Variants in TLN2 observed in about 807,000 individuals in gnomAD.
TLN2 encodes talin-2.
A neutral mutation model predicts 294.7 loss-of-function variants in TLN2; 118 were observed. The observed-to-expected ratio is 0.40, with a 90% CI of 0.34 to 0.47. TLN2 has a LOEUF of 0.47. Among genes scored for constraint, TLN2 ranks in the 20% least tolerant of loss-of-function variants. The pLI, the probability that TLN2 is intolerant of heterozygous loss-of-function variation, is 0.84. For synonymous variants in TLN2, 1,431 were observed against 1,304.5 expected, an observed-to-expected ratio of 1.10 and a Z score of -2.09; for missense variants, 3,083 against 3,282.2, an observed-to-expected ratio of 0.94 and a Z score of 1.48.
chr15:62,825,954 A>G (rs2068157047), intron 54 of TLN2, among the ~76,000 whole-genome samples: 1 of 141,764 alleles, frequency 7.1e-6, no homozygotes, highest in Non-Finnish European at 1.5e-5. Flanking sequence ...TGAACTTGGG[A>G]GGCGGAGGTT....
chr15:62,647,482 T>C (rs775700147), intron 4 of TLN2, 36 bp downstream of exon 4: 1 of 1,612,446 alleles, frequency 6.2e-7, no homozygotes, highest in Admixed American at 1.7e-5. Context: ...TCTTAAAACG[T>C]GTTTGCATGT....
chr15:62,479,745 C>T (rs1344174217), intron 1 of TLN2, among the ~76,000 whole-genome samples: 1 of 152,222 alleles, frequency 6.6e-6, no homozygotes, highest in Admixed American at 6.5e-5. Flanking sequence ...CTCAGCCTCC[C>T]AAAGTGCTGG....
chr15:62,806,477 T>C (rs905532411), intron 51 of TLN2, among the ~76,000 whole-genome samples: 2 of 152,176 alleles, frequency 1.3e-5, no homozygotes, highest in Admixed American at 1.3e-4. Flanking sequence ...AGGTCAGCCA[T>C]TGTGCACTAG....
At chr15:62,534,870 T>C (rs1233846968) in intron 1 of TLN2, among the ~76,000 whole-genome samples, 2 of 152,164 alleles carry the variant, frequency 1.3e-5, no homozygotes, top group African/African-American at 4.8e-5. Flanking sequence ...CACAGTACTG[T>C]GAGGCAGTTG....
At chr15:62,640,235 T>C (rs907926432) in intron 3 of TLN2, 1 of 455,992 alleles carries the variant, frequency 2.2e-6, no homozygotes, top group East Asian at 7.0e-5. Context: ...CTTTCTTTGG[T>C]GTTTCTTTGA....
chr15:62,745,784 T>G (rs2061575689), intron 32 of TLN2, among the ~76,000 whole-genome samples: 1 of 152,240 alleles, frequency 6.6e-6, no homozygotes, highest in Non-Finnish European at 1.5e-5. Flanking sequence ...AAATATTGTT[T>G]TTCATTGTCA....
chr15:62,557,732 G>T (rs141871337), intron 1 of TLN2, among the ~76,000 whole-genome samples: 4 of 152,210 alleles, frequency 2.6e-5, no homozygotes, highest in Admixed American at 6.5e-5. Context: ...GTAGAGACGG[G>T]GTTTCACTAT....
At chr15:62,568,350 G>A (rs545345654) in intron 1 of TLN2, among the ~76,000 whole-genome samples, 4 of 152,316 alleles carry the variant, frequency 2.6e-5, no homozygotes, top group South Asian at 2.1e-4. Flanking sequence ...GCAAACCATC[G>A]CATTCTGTCT....
intron 1 of TLN2, among the ~76,000 whole-genome samples, chr15:62,572,671 C>T (rs1186900124): frequency 6.6e-6 from 1 of 152,218 alleles, no homozygotes; most frequent in Admixed American, 6.5e-5. Flanking sequence ...TAAACTGAGT[C>T]CGGATCGATG....
chr15:62,744,758 G>A (rs1325786795), intron 32 of TLN2, among the ~76,000 whole-genome samples: 1 of 152,098 alleles, frequency 6.6e-6, no homozygotes, highest in African/African-American at 2.4e-5. Flanking sequence ...TGTTGGCCAG[G>A]CTGGTCTCAA....
intron 1 of TLN2, among the ~76,000 whole-genome samples, chr15:62,519,574 A>G (rs2040354674): frequency 6.6e-6 from 1 of 152,212 alleles, no homozygotes; most frequent in African/African-American, 2.4e-5. Flanking sequence ...GTGTTCTCTT[A>G]CTTTTACAGG....
intron 1 of TLN2, among the ~76,000 whole-genome samples, chr15:62,493,069 G>C (rs1230849517): frequency 1.3e-5 from 2 of 152,182 alleles, no homozygotes; most frequent in Non-Finnish European, 2.9e-5. Flanking sequence ...GCCTTCTTTG[G>C]GGGTGCTTGG....
At chr15:62,515,055 C>G (rs1346236381) in intron 1 of TLN2, among the ~76,000 whole-genome samples, 1 of 152,184 alleles carries the variant, frequency 6.6e-6, no homozygotes, top group Non-Finnish European at 1.5e-5. Flanking sequence ...GTTTCCTTCT[C>G]TGTCAAATGA....
At chr15:62,512,957 A>C (rs1403502047) in intron 1 of TLN2, among the ~76,000 whole-genome samples, 1 of 152,042 alleles carries the variant, frequency 6.6e-6, no homozygotes, top group Non-Finnish European at 1.5e-5. Flanking sequence ...TCAGTCACAA[A>C]ATTGCTTCAA....
intron 1 of TLN2, among the ~76,000 whole-genome samples, chr15:62,560,631 C>T (rs1002494714): frequency 6.6e-6 from 1 of 152,184 alleles, no homozygotes; most frequent in South Asian, 2.1e-4. Context: ...TGGCCAATAC[C>T]CCATGTTTTG....
rs1300289302 is a variant in TLN2 at position 62,738,293 on chromosome 15, A to G, written c.3647A>G (p.Lys1216Arg). ...CAGAAGGATGTGGACGTGGCCTTGA[A>G]GAGCATCGGGGAGTCCAGCAAGAAG... ...PGQKDVDVAL[K>R]SIGESSKKLL... Residue 1216 changes from lysine to arginine, a missense_variant, in exon 30 of 59, where the codon AAG (lysine) becomes AGG (arginine). Coordinates refer to ENST00000636159, the MANE Select transcript of TLN2 (RefSeq NM_015059.3). 3.7e-6 allele frequency: 6 copies of G among 1,614,186 alleles called. No homozygotes were observed. The highest frequency in any genetic ancestry group is 5.1e-6 in the Non-Finnish European group (6 of 1,180,014).
chr15:62,582,233 CACACACACACA>C (rs1567138747), intron 1 of TLN2, among the ~76,000 whole-genome samples: 11 of 108,530 alleles, frequency 1.0e-4, no homozygotes, highest in Non-Finnish European at 1.6e-4. Context: ...CACACACACA[CACACACACACA>C]CACATTCATG....
At chr15:62,623,580 C>T (rs921667402) in intron 3 of TLN2, among the ~76,000 whole-genome samples, 3 of 152,162 alleles carry the variant, frequency 2.0e-5, no homozygotes, top group Admixed American at 6.5e-5. Context: ...TGTAGCTAAT[C>T]TATGTCAACA....
chr15:62,449,226 A>T (rs1181696557), intron 1 of TLN2, among the ~76,000 whole-genome samples: 4 of 152,116 alleles, frequency 2.6e-5, no homozygotes, highest in Non-Finnish European at 5.9e-5. Context: ...GGTGAGTGGT[A>T]TGGGGAGGGG....
Sources: gnomAD v4.1 joint callset for allele counts (sites outside exome capture counted in the v4.1 genomes callset) on GRCh38, gnomAD v4.1.1 for gene constraint, MANE v1.5 for transcripts, NCBI Gene and HGNC (gene_info 2026-07-23, HGNC 2026-07-21) for gene names.